The following ARHGAP20 variants were observed in gnomAD, a reference collection of about 807,000 sequenced individuals.
ARHGAP20 encodes the protein Rho GTPase activating protein 20, also known as rho GTPase-activating protein 20.
Under a neutral mutation model 73.7 loss-of-function variants are expected in ARHGAP20, and 34 were observed. The observed-to-expected ratio is 0.46, with a 90% CI of 0.35 to 0.61. The LOEUF is 0.61. Ranked by LOEUF, ARHGAP20 falls within the 20% of genes least tolerant of loss-of-function variation. ARHGAP20 has a pLI of 0.00. For synonymous variants in ARHGAP20, 523 were observed against 518.2 expected (o/e 1.01, Z -0.13); for missense variants, 1,314 against 1,420.9 (o/e 0.92, Z 1.21).
intron 2 of ARHGAP20, among the ~76,000 whole-genome samples, chr11:110,667,466 C>A (rs556505191): frequency 1.3e-5 from 2 of 152,234 alleles, no homozygotes; most frequent in South Asian, 2.1e-4. Flanking sequence ...AAATAGATTC[C>A]TTTCAAAACA....
At chr11:110,589,604 C>T in intron 11 of ARHGAP20, 1 of 985,382 alleles carries the variant, frequency 1.0e-6, no homozygotes, top group East Asian at 1.1e-4. Context: ...CTGCTAAGGT[C>T]AAAAGCTCTG....
chr11:110,653,514 A>G (rs966851828), intron 2 of ARHGAP20, among the ~76,000 whole-genome samples: 2 of 152,210 alleles, frequency 1.3e-5, no homozygotes, highest in Non-Finnish European at 2.9e-5. Flanking sequence ...AATCAAAACC[A>G]CAATGAGATA....
intron 9 of ARHGAP20, among the ~76,000 whole-genome samples, chr11:110,594,126 A>G (rs1489460302): frequency 6.6e-6 from 1 of 152,244 alleles, no homozygotes; most frequent in African/African-American, 2.4e-5. Flanking sequence ...TAAACTACTT[A>G]ACTAAATATT....
intron 12 of ARHGAP20, among the ~76,000 whole-genome samples, 195 bp downstream of exon 12, chr11:110,586,021 T>A (rs550537699): frequency 1.3e-5 from 2 of 152,284 alleles, no homozygotes; most frequent in South Asian, 4.1e-4. Flanking sequence ...TTCAGGTATA[T>A]GGAAGGTGTA....
At position 110,671,731 on chromosome 11, in the gene ARHGAP20, A is replaced by C. The variant is rs1233487385; in HGVS notation, c.188+18816T>G. ...ATAAAAAAGTCATAATATCGACAAA[A>C]ACATGAAGATTTATTAGAAAGCTAA... On this transcript the variant is annotated intron_variant, in intron 2 of 14. Coordinates refer to ENST00000683387, the MANE Select transcript of ARHGAP20 (RefSeq NM_001384657.1). Among the ~76,000 whole-genome samples, 7 of 152,114 alleles carry C rather than the reference A, an allele frequency of 4.6e-5. No homozygotes were observed. The East Asian group carries it at 1.3e-3, about 29-fold the overall frequency.
intron 9 of ARHGAP20, among the ~76,000 whole-genome samples, chr11:110,600,981 C>T (rs1329063272): frequency 2.0e-5 from 3 of 152,230 alleles, no homozygotes; most frequent in Non-Finnish European, 4.4e-5. Flanking sequence ...AATGGTTATG[C>T]TGGTTAACAG....
intron 2 of ARHGAP20, among the ~76,000 whole-genome samples, chr11:110,632,780 G>A (rs1377355199): frequency 6.6e-6 from 1 of 152,096 alleles, no homozygotes; most frequent in Non-Finnish European, 1.5e-5. Flanking sequence ...TATCTTCATT[G>A]GTGAACTGTC....
Position 110,577,561 on chromosome 11 carries a change from A to G in ARHGAP20, c.*1809T>C, listed in dbSNP as rs1947320477. ...TCTTGCAGTTCTGACTGACAGTAGT[A>G]TGCCCTAAGGGAAAGGGGAGTCCCT... On this transcript the variant is annotated 3_prime_UTR_variant, in exon 15 of 15. Coordinates refer to ENST00000683387, the MANE Select transcript of ARHGAP20 (RefSeq NM_001384657.1). The G allele has an allele frequency of 2.0e-6, 2 of 990,288 alleles. No individual in the cohort carries two copies. The highest frequency in any genetic ancestry group is 2.4e-6 in the Non-Finnish European group (2 of 833,082). The allele number at this position is 990,288 out of a possible 1,614,324, so 61.3% of individuals were successfully genotyped here. A position where few individuals can be genotyped will look rare whatever the true frequency, so the allele number is the denominator to read the frequency against.
At chr11:110,709,755 G>A (rs189162730) in intron 1 of ARHGAP20, among the ~76,000 whole-genome samples, 30 of 152,200 alleles carry the variant, frequency 2.0e-4, no homozygotes, top group African/African-American at 7.0e-4. Context: ...GGTGGCAGAA[G>A]TAGACAGGGC....
chr11:110,589,779 G>A (rs1947774939), intron 11 of ARHGAP20: 4 of 894,768 alleles, frequency 4.5e-6, no homozygotes, highest in Non-Finnish European at 5.4e-6. Context: ...TGTGGTAAAA[G>A]TAAAGGAAAA....
At chr11:110,591,095 G>A (rs1263701770) in intron 10 of ARHGAP20, among the ~76,000 whole-genome samples, 1 of 152,176 alleles carries the variant, frequency 6.6e-6, no homozygotes, top group African/African-American at 2.4e-5. Context: ...ATAACATTAT[G>A]ATTATAGTTA....
At chr11:110,635,028 G>A (rs1275724115) in intron 2 of ARHGAP20, among the ~76,000 whole-genome samples, 4 of 151,916 alleles carry the variant, frequency 2.6e-5, no homozygotes, top group African/African-American at 9.7e-5. Context: ...TGGTGTAAGA[G>A]GCCATGACTT....
chr11:110,619,406 A>G (rs550761034), intron 4 of ARHGAP20, among the ~76,000 whole-genome samples: 3 of 150,038 alleles, frequency 2.0e-5, no homozygotes, highest in East Asian at 2.0e-4. Flanking sequence ...ATATGCAGTG[A>G]TAGAGTATAT....
At chr11:110,636,275 T>C (rs1338314164) in intron 2 of ARHGAP20, among the ~76,000 whole-genome samples, 2 of 152,042 alleles carry the variant, frequency 1.3e-5, no homozygotes, top group Non-Finnish European at 2.9e-5. Flanking sequence ...TTTACAAAAA[T>C]GGGCAACCTG....
At chr11:110,622,993 C>T (rs1948661474) in intron 4 of ARHGAP20, among the ~76,000 whole-genome samples, 1 of 151,680 alleles carries the variant, frequency 6.6e-6, no homozygotes, top group Non-Finnish European at 1.5e-5. Context: ...TAGTCATACC[C>T]TCACTTAAAA....
At chr11:110,636,818 G>T (rs1195759310) in intron 2 of ARHGAP20, among the ~76,000 whole-genome samples, 1 of 151,874 alleles carries the variant, frequency 6.6e-6, no homozygotes, top group East Asian at 1.9e-4. Flanking sequence ...TTATGACTCT[G>T]AAGTGTTTAT....
At chr11:110,621,956 C>T (rs895282256) in intron 4 of ARHGAP20, among the ~76,000 whole-genome samples, 1 of 152,192 alleles carries the variant, frequency 6.6e-6, no homozygotes, top group African/African-American at 2.4e-5. Flanking sequence ...CGGCTCAGTT[C>T]GATTCTTTCA....
chr11:110,705,392 A>G (rs996381050), intron 1 of ARHGAP20, among the ~76,000 whole-genome samples: 3 of 152,144 alleles, frequency 2.0e-5, no homozygotes, highest in African/African-American at 7.2e-5. Context: ...CTTCATGACA[A>G]TCTTCACCTT....
At chr11:110,661,826 G>T (rs376944015) in intron 2 of ARHGAP20, among the ~76,000 whole-genome samples, 4 of 152,002 alleles carry the variant, frequency 2.6e-5, no homozygotes, top group African/African-American at 9.7e-5. Context: ...CCTTATGAGG[G>T]AAAAGTGGTA....
Sources: gnomAD v4.1 joint callset for allele counts (sites outside exome capture counted in the v4.1 genomes callset) on GRCh38, gnomAD v4.1.1 for gene constraint, MANE v1.5 for transcripts, NCBI Gene and HGNC (gene_info 2026-07-23, HGNC 2026-07-21) for gene names.